Variants in BAZ2A observed in about 807,000 individuals in gnomAD.
BAZ2A encodes the protein bromodomain adjacent to zinc finger domain protein 2A.
In BAZ2A, 34 loss-of-function variants were observed where a neutral mutation model predicts 199.9. The ratio of observed to expected loss-of-function variants is 0.17; its 90% CI spans 0.13 to 0.23. BAZ2A has a LOEUF of 0.23. Among genes scored for constraint, BAZ2A ranks in the 10% least tolerant of loss-of-function variants. BAZ2A has a pLI of 1.00. For missense variants in BAZ2A, 2,002 were observed against 2,391.1 expected (o/e 0.84, Z 3.39); for synonymous variants, 857 against 883.9 (o/e 0.97, Z 0.54).
upstream of BAZ2A, chr12:56,636,453 C>A (rs1037269320): frequency 4.3e-6 from 5 of 1,156,738 alleles, no homozygotes; most frequent in Non-Finnish European, 5.7e-6. Context: ...ACAGGGCAGA[C>A]CAGGAGAAAT....
chr12:56,636,514 A>T (rs894815103), upstream of BAZ2A: 53 of 468,406 alleles, frequency 1.1e-4, 1 homozygote, highest in Admixed American at 1.4e-3. Context: ...ATGGTAGAAG[A>T]GGCCGGCAAA....
In BAZ2A at chr12:56,598,296, AG is replaced by A. The variant is rs1289491924; in HGVS notation, c.*321del. ...CAGGGGAGGAGAGGAAGCAGGGAGG[AG>A]GAAGTAGGGACGACTTTCCCCCTCC... On this transcript the variant is annotated 3_prime_UTR_variant, in exon 29 of 29. Transcript: ENST00000549884. The A allele has an allele frequency of 6.9e-6, 2 of 288,632 alleles. No homozygotes were observed. The highest frequency in any genetic ancestry group is 1.3e-5 in the Non-Finnish European group (2 of 149,090). 17.9% of individuals were successfully genotyped at this position (288,632 alleles called of 1,614,324 possible).
Position 56,598,541 on chromosome 12 carries a change from T to A in BAZ2A, c.*77A>T. Reference sequence around the variant, plus strand: ...ACTTGAGTCTGGACCCAGGGCAGCATCAGCAGGTGAAAATGGCAGGTTTTT... The same window carrying A: ...ACTTGAGTCTGGACCCAGGGCAGCAACAGCAGGTGAAAATGGCAGGTTTTT... On this transcript the variant is annotated 3_prime_UTR_variant, in exon 29 of 29. Transcript: ENST00000549884. 6.5e-7 allele frequency: 1 copy of A among 1,528,454 alleles called. No homozygotes were observed. Among genetic ancestry groups the A allele is most frequent in the South Asian group, 1.2e-5 (1 of 81,366 alleles). The allele number at this position is 1,528,454 out of a possible 1,614,324, so 94.7% of individuals were successfully genotyped here. A position where few individuals can be genotyped will look rare whatever the true frequency, so the allele number is the denominator to read the frequency against.
At chr12:56,612,850 G>A (rs745331222) in intron 5 of BAZ2A, among the ~76,000 whole-genome samples, 165 bp downstream of exon 5, 1 of 152,188 alleles carries the variant, frequency 6.6e-6, no homozygotes, top group Non-Finnish European at 1.5e-5. Context: ...TCAAACTCCT[G>A]ATCTCAGGTG....
Position 56,615,406 on chromosome 12 carries a change from T to C in BAZ2A, c.338A>G (p.Gln113Arg). 1 of 1,611,430 alleles carries C rather than the reference T, an allele frequency of 6.2e-7. No individual in the cohort carries two copies. The highest frequency in any genetic ancestry group is 8.5e-7 in the Non-Finnish European group (1 of 1,179,180). Residue 113 changes from glutamine (Q) to arginine (R), a missense_variant, in exon 3 of 29, where the codon CAG becomes CGG. Gln to Arg is a conservative substitution (Grantham distance 43). Transcript: ENST00000549884. ...GAGTGGGTATTGTCCCCCCGAGAAC[T>C]GGGAGAGAAGGGGTGGGTCCTTGAG... ...SNLKDPPLLS[Q>R]FSGGQYPLNG... is the part of the protein sequence containing the mutation.
In BAZ2A at chr12:56,608,780, G is replaced by A. The variant is rs1413436559; in HGVS notation, c.2092+956C>T. On this transcript the variant is annotated intron_variant, in intron 10 of 28. Coordinates refer to ENST00000549884, the MANE Select transcript of BAZ2A (RefSeq NM_001300905.2). The stretch of plus-strand genomic sequence containing the variant: ...GACAGGGTTTCTTCATGTTGGTCAG[G>A]CTGGTCTTGAACTCCCGACCTCAGG... 3.3e-5 allele frequency among the ~76,000 whole-genome samples: 5 copies of A among 151,282 alleles called. No individual in the cohort carries two copies. In the East Asian group the frequency reaches 7.8e-4, roughly 24 times the overall value.
intron 2 of BAZ2A, among the ~76,000 whole-genome samples, chr12:56,617,101 C>T (rs1950748473): frequency 6.6e-6 from 1 of 152,188 alleles, no homozygotes; most frequent in South Asian, 2.1e-4. Flanking sequence ...TCTTAGAAGG[C>T]TAGCACTTTA....
intron 10 of BAZ2A, among the ~76,000 whole-genome samples, chr12:56,609,429 C>A (rs566596658): frequency 1.5e-4 from 23 of 152,206 alleles, no homozygotes; most frequent in African/African-American, 5.1e-4. Context: ...ACAACTGAAC[C>A]AGTATATGAT....
intron 10 of BAZ2A, among the ~76,000 whole-genome samples, chr12:56,609,204 TG>T: frequency 6.6e-6 from 1 of 152,036 alleles, no homozygotes; most frequent in Middle Eastern, 3.4e-3. Flanking sequence ...AACAGGGCCT[TG>T]CTCTGTTGCC....
chr12:56,615,535 G>A lies in BAZ2A; in HGVS notation c.209C>T (p.Ser70Phe), dbSNP rs1263104024. 6.2e-7 allele frequency: 1 copy of A among 1,613,224 alleles called. No individual in the cohort carries two copies. The highest frequency in any genetic ancestry group is 1.1e-5 in the South Asian group (1 of 91,064). Residue 70 changes from serine to phenylalanine, a missense_variant, in exon 3 of 29, where the codon TCT becomes TTT. Coordinates refer to ENST00000549884, the MANE Select transcript of BAZ2A (RefSeq NM_001300905.2). Reference protein sequence around the residue: ...SHTTTSGILNSAPHSSSTSHL... With the variant: ...SHTTTSGILNFAPHSSSTSHL... The stretch of plus-strand genomic sequence containing the variant: ...TGAGGTGCTGGAGGAGTGGGGAGCA[G>A]AGTTCAAAATCCCTGAAGTAGTAGT...
chr12:56,636,902 C>T (rs1107479), upstream of BAZ2A: 56,873 of 152,446 alleles, frequency 0.37, 11,021 homozygotes, highest in African/African-American at 0.48. Flanking sequence ...AAGGACGTCA[C>T]AGGCAGATGG....
chr12:56,630,974 A>G (rs781739394), upstream of BAZ2A: 85 of 611,462 alleles, frequency 1.4e-4, no homozygotes, highest in Non-Finnish European at 1.7e-4. Context: ...TAATCAGCAA[A>G]AAGATGCCAC....
At chr12:56,617,632 T>C in intron 1 of BAZ2A, 100 bp from the exon 2 acceptor site, 1 of 1,314,646 alleles carries the variant, frequency 7.6e-7, no homozygotes, top group Non-Finnish European at 1.0e-6. Context: ...CTCCACCTAC[T>C]TACCCTTCTC....
At chr12:56,627,087 T>A (rs1465889613) in intron 1 of BAZ2A, among the ~76,000 whole-genome samples, 1 of 152,224 alleles carries the variant, frequency 6.6e-6, no homozygotes, top group African/African-American at 2.4e-5. Flanking sequence ...AATCTAGGGA[T>A]CTTCATCTAG....
intron 10 of BAZ2A, among the ~76,000 whole-genome samples, chr12:56,609,166 C>G (rs1189442337): frequency 6.6e-6 from 1 of 152,128 alleles, no homozygotes; most frequent in East Asian, 1.9e-4. Flanking sequence ...GTGTGAGACA[C>G]TGTGCCCGGC....
rs1886404323 is a variant in BAZ2A at position 56,600,927 on chromosome 12, G to A, written c.4450+16C>T. 2.5e-6 allele frequency: 4 copies of A among 1,613,418 alleles called. No individual in the cohort carries two copies. The highest frequency in any genetic ancestry group is 2.7e-5 in the African/African-American group (2 of 75,056). ...CTGGGCTCTTCAGCTCAAGCTGGGT[G>A]TAGGAATGTATTTACCAGCTGAGGG... is the stretch of plus-strand genomic sequence containing the variant. On this transcript the variant is annotated intron_variant, in intron 22 of 28. Transcript: ENST00000549884.
intron 18 of BAZ2A, 115 bp downstream of exon 18, chr12:56,603,244 G>C: frequency 8.2e-7 from 1 of 1,222,936 alleles, no homozygotes; most frequent in East Asian, 2.5e-5. Context: ...CTCCAGCCTG[G>C]GTAACAGAAA....
At chr12:56,625,061 A>AT (rs1951037463) in intron 1 of BAZ2A, among the ~76,000 whole-genome samples, 2 of 152,136 alleles carry the variant, frequency 1.3e-5, no homozygotes, top group South Asian at 4.2e-4. Flanking sequence ...AAGACCAGGA[A>AT]TGCCTCTGAA....
intron 1 of BAZ2A, among the ~76,000 whole-genome samples, chr12:56,625,422 C>G (rs1169813127): frequency 6.6e-6 from 1 of 152,006 alleles, no homozygotes; most frequent in Non-Finnish European, 1.5e-5. Flanking sequence ...TCCCAAAGTG[C>G]TGCGACTGCA....
Sources: allele counts gnomAD v4.1 joint callset (sites outside exome capture counted in the v4.1 genomes callset), GRCh38; gene constraint gnomAD v4.1.1; transcripts MANE v1.5; gene names NCBI Gene and HGNC (gene_info 2026-07-23, HGNC 2026-07-21).